Variants in ARHGEF10 observed in about 807,000 individuals in gnomAD.
ARHGEF10 encodes Rho guanine nucleotide exchange factor (GEF) 10.
ARHGEF10 carries 140 observed loss-of-function variants against 147.4 expected under a neutral mutation model. The ratio of observed to expected loss-of-function variants is 0.95; its 90% CI spans 0.83 to 1.09. The LOEUF is 1.09. Ranked by LOEUF, ARHGEF10 falls within the 50% of genes least tolerant of loss-of-function variation. ARHGEF10 has a pLI of 0.00. For synonymous variants in ARHGEF10, 902 were observed against 695.8 expected, an observed-to-expected ratio of 1.30 and a Z score of -4.67; for missense variants, 2,222 against 1,752.7, an observed-to-expected ratio of 1.27 and a Z score of -4.78.
chr8:1,856,811 A>G (rs1223383340), intron 2 of ARHGEF10, among the ~76,000 whole-genome samples: 2 of 152,322 alleles, frequency 1.3e-5, no homozygotes, highest in African/African-American at 4.8e-5. Context: ...CGGGCATGGC[A>G]GCAGGAGGTT....
At chr8:1,890,275 T>A (rs796328079) in intron 11 of ARHGEF10, among the ~76,000 whole-genome samples, 1 of 122,872 alleles carries the variant, frequency 8.1e-6, no homozygotes, top group East Asian at 2.6e-4. Context: ...TGAGGAGACA[T>A]TGAGTGGGGT....
intron 2 of ARHGEF10, among the ~76,000 whole-genome samples, chr8:1,851,040 G>T (rs1404442740): frequency 6.6e-6 from 1 of 152,320 alleles, no homozygotes; most frequent in East Asian, 1.9e-4. Context: ...TTTGCGGGGG[G>T]GAGGGGTGAC....
chr8:1,942,642 TATC>T (rs1482567357), intron 26 of ARHGEF10, among the ~76,000 whole-genome samples: 11 of 152,110 alleles, frequency 7.2e-5, no homozygotes, highest in Non-Finnish European at 1.5e-5. Context: ...AGACACGAAT[TATC>T]ATAGCAGTGT....
In ARHGEF10 at chr8:1,839,716, TGG is replaced by T. The variant is rs1466385833; in HGVS notation, c.-47-3634_-47-3633del. Reference sequence around the variant, plus strand: ...TGTCCGGTGTGGGGACTGTCTGGTGTGGGGACTGTCCGGTGTGGAAGCTGTCT... The same window carrying T: ...TGTCCGGTGTGGGGACTGTCTGGTGTGGACTGTCCGGTGTGGAAGCTGTCT... On this transcript the variant is annotated intron_variant, in intron 1 of 28. Coordinates refer to ENST00000349830, the MANE Select transcript of ARHGEF10 (RefSeq NM_014629.4). Among the ~76,000 whole-genome samples, 60 of 141,632 alleles carry T rather than the reference TGG, an allele frequency of 4.2e-4. 1 individual carries two copies. Among genetic ancestry groups the T allele is most frequent in the African/African-American group, 1.1e-3 (41 of 37,402 alleles). 92.9% of individuals were successfully genotyped at this position (141,632 alleles called of 152,430 possible). A position where few individuals can be genotyped will look rare whatever the true frequency, so the allele number is the denominator to read the frequency against.
At chr8:1,892,667 C>T (rs956348836) in intron 11 of ARHGEF10, among the ~76,000 whole-genome samples, 6 of 143,036 alleles carry the variant, frequency 4.2e-5, no homozygotes, top group South Asian at 2.4e-4. Flanking sequence ...CTTCCGTGCG[C>T]GCACGTGTGT....
chr8:1,858,143 A>AGGTGG (rs1805729124), intron 3 of ARHGEF10, 28 bp downstream of exon 3: 4 of 1,522,332 alleles, frequency 2.6e-6, no homozygotes, highest in African/African-American at 1.5e-5. Flanking sequence ...TCCCCAGGTG[A>AGGTGG]GTCCCCAGGT....
chr8:1,893,444 A>G, intron 11 of ARHGEF10, 125 bp from the exon 12 acceptor site: 1 of 700,236 alleles, frequency 1.4e-6, no homozygotes, highest in Non-Finnish European at 2.6e-6. Flanking sequence ...TAATTAGGCT[A>G]CCCTTGTGCA....
chr8:1,843,510 AACCACTGAAT>A lies in ARHGEF10; in HGVS notation c.37+75_37+84del, dbSNP rs1237957913. 4.3e-6 allele frequency: 5 copies of A among 1,154,640 alleles called. No homozygotes were observed. In the Admixed American group the frequency reaches 9.1e-5, roughly 21 times the overall value. The allele number at this position is 1,154,640 out of a possible 1,614,324, so 71.5% of individuals were successfully genotyped here. ...CTCATCAAGGACGGGGTACTTCTGGAACCACTGAATTGCTGGTCACTGGGGTATGGGGTGG... is the reference window on the plus strand; with the variant it reads ...CTCATCAAGGACGGGGTACTTCTGGATGCTGGTCACTGGGGTATGGGGTGG... On this transcript the variant is annotated intron_variant, in intron 2 of 28. Transcript: ENST00000349830.
chr8:1,912,425 C>A (rs149475335), intron 18 of ARHGEF10, among the ~76,000 whole-genome samples: 1 of 151,830 alleles, frequency 6.6e-6, no homozygotes, highest in Non-Finnish European at 1.5e-5. Context: ...AGGGAGCTCA[C>A]CGTCCCTGCA....
intron 3 of ARHGEF10, 76 bp downstream of exon 3, chr8:1,858,191 A>G (rs1468756019): frequency 0.01 from 13,305 of 1,313,458 alleles, 42 homozygotes; most frequent in Non-Finnish European, 0.012. Flanking sequence ...TCCCCATGTG[A>G]GTCACCAGGT....
chr8:1,903,209 C>T (rs954667358), intron 15 of ARHGEF10, 72 bp from the exon 16 acceptor site: 41 of 1,562,906 alleles, frequency 2.6e-5, no homozygotes, highest in Middle Eastern at 3.8e-4. Context: ...TGTCAGCTGG[C>T]GGGTGACGCG....
At chr8:1,926,940 C>T (rs1354822411) in intron 23 of ARHGEF10, 5 of 263,182 alleles carry the variant, frequency 1.9e-5, no homozygotes, top group Admixed American at 1.6e-4. Context: ...GCTGTGTGGT[C>T]CCAGGCTCTC....
At chr8:1,842,739 C>T (rs925516870) in intron 1 of ARHGEF10, among the ~76,000 whole-genome samples, 44 of 152,332 alleles carry the variant, frequency 2.9e-4, no homozygotes, top group African/African-American at 9.9e-4. Context: ...CTGGCCTTCC[C>T]GGGACTCGCT....
chr8:1,852,067 G>C (rs4410947), intron 2 of ARHGEF10, among the ~76,000 whole-genome samples: 1 of 151,926 alleles, frequency 6.6e-6, no homozygotes, highest in African/African-American at 2.4e-5. Context: ...TCAGGCCTGC[G>C]AGGTCCACTA....
At chr8:1,941,280 G>A (rs1465717672) in intron 26 of ARHGEF10, among the ~76,000 whole-genome samples, 5 of 152,242 alleles carry the variant, frequency 3.3e-5, no homozygotes, top group East Asian at 1.9e-4. Context: ...GCACAAGATC[G>A]GTATACAAAA....
chr8:1,844,660 G>T (rs1378603630), intron 2 of ARHGEF10, among the ~76,000 whole-genome samples: 1 of 152,124 alleles, frequency 6.6e-6, no homozygotes, highest in African/African-American at 2.4e-5. Flanking sequence ...TTCTCTTCTG[G>T]GGGTGACGTC....
chr8:1,859,844 C>G (rs1563189853), intron 3 of ARHGEF10, 53 bp from the exon 4 acceptor site: 2 of 1,592,712 alleles, frequency 1.3e-6, no homozygotes, highest in African/African-American at 1.3e-5. Flanking sequence ...GGAGGGCATG[C>G]CTGCCATGCC....
At chr8:1,828,850 C>G (rs1009000216) in intron 1 of ARHGEF10, among the ~76,000 whole-genome samples, 4 of 152,164 alleles carry the variant, frequency 2.6e-5, no homozygotes, top group Non-Finnish European at 5.9e-5. Flanking sequence ...TTTTGATAAA[C>G]TGTGGCATGC....
At chr8:1,953,951 A>G (rs1037770015) in intron 28 of ARHGEF10, among the ~76,000 whole-genome samples, 17 of 152,140 alleles carry the variant, frequency 1.1e-4, no homozygotes, top group Admixed American at 3.3e-4. Context: ...GCTTCCGTGC[A>G]CTCAGATTTT....
Sources: allele counts gnomAD v4.1 joint callset (sites outside exome capture counted in the v4.1 genomes callset), GRCh38; gene constraint gnomAD v4.1.1; transcripts MANE v1.5; gene names NCBI Gene and HGNC (gene_info 2026-07-23, HGNC 2026-07-21).